The following LIFR variants were observed in gnomAD, a reference collection of about 807,000 sequenced individuals.
LIFR encodes leukemia inhibitory factor receptor.
Under a neutral mutation model 122.2 loss-of-function variants are expected in LIFR, and 84 were observed. That is an observed-to-expected ratio of 0.69 (90% CI 0.58 to 0.82). The LOEUF (loss-of-function observed/expected upper bound fraction) is 0.82. Ranked by LOEUF, LIFR falls within the 40% of genes least tolerant of loss-of-function variation. The pLI, the probability that LIFR is intolerant of heterozygous loss-of-function variation, is 0.00. For synonymous variants in LIFR, 422 were observed against 434.7 expected (o/e 0.97, Z 0.36); for missense variants, 1,294 against 1,311.6 (o/e 0.99, Z 0.21).
At position 38,481,687 on chromosome 5, in the gene LIFR, A is replaced by C. The variant is rs1157841461; in HGVS notation, c.3202T>G (p.Phe1068Val). Residue 1068 changes from phenylalanine to valine, a missense_variant, in exon 20 of 20, where the codon TTT becomes GTT. Coordinates refer to ENST00000453190, the MANE Select transcript of LIFR (RefSeq NM_001127671.2). ...TCTTCATCTTTAGGAGGAATCAAAA[A>C]TTGTCGGGAATTAATGGAGCATGGA... ...GSPCSINSRQ[F>V]LIPPKDEDSP... is the part of the protein sequence containing the mutation. 6.8e-6 allele frequency: 11 copies of C among 1,614,168 alleles called. No individual in the cohort carries two copies. The highest frequency in any genetic ancestry group is 9.3e-6 in the Non-Finnish European group (11 of 1,180,014).
chr5:38,583,429 TA>T (rs1749650201), intron 1 of LIFR, among the ~76,000 whole-genome samples: 1 of 151,996 alleles, frequency 6.6e-6, no homozygotes, highest in African/African-American at 2.4e-5. Context: ...AAGTTCAGGC[TA>T]AAAAAGCAAA....
At chr5:38,511,666 G>T in intron 6 of LIFR, 124 bp downstream of exon 6, 1 of 881,062 alleles carries the variant, frequency 1.1e-6, no homozygotes, top group Non-Finnish European at 1.8e-6. Flanking sequence ...GGGCTTAGAC[G>T]CTCCCAGGTA....
In LIFR at chr5:38,556,338, C is replaced by G. The variant is rs1160479334; in HGVS notation, c.-24G>C. The G allele has an allele frequency of 6.6e-6, 1 of 151,978 alleles. No individual in the cohort carries two copies. Among genetic ancestry groups the G allele is most frequent in the Non-Finnish European group, 1.5e-5 (1 of 68,110 alleles). The allele number at this position is 151,978 out of a possible 1,614,324, so 9.4% of individuals were successfully genotyped here. A position where few individuals can be genotyped will look rare whatever the true frequency, so the allele number is the denominator to read the frequency against. Reference sequence around the variant, plus strand: ...CCACCCGCCCCCAGGACTCACGGTACGCTCCCGCGCCGCTATCTTGCCATC... The same window carrying G: ...CCACCCGCCCCCAGGACTCACGGTAGGCTCCCGCGCCGCTATCTTGCCATC... On this transcript the variant is annotated 5_prime_UTR_variant, in exon 1 of 20. Transcript: ENST00000453190.
chr5:38,511,344 TC>T (rs1745791498), intron 6 of LIFR, among the ~76,000 whole-genome samples: 1 of 152,136 alleles, frequency 6.6e-6, no homozygotes, highest in Non-Finnish European at 1.5e-5. Context: ...CTGCCAACAT[TC>T]TCCCTGTATA....
chr5:38,531,521 T>C (rs1338988888), intron 1 of LIFR, among the ~76,000 whole-genome samples: 1 of 151,766 alleles, frequency 6.6e-6, no homozygotes, highest in African/African-American at 2.4e-5. Context: ...CTAAATAGTG[T>C]CCTCTGAGCA....
At chr5:38,527,439 T>A in intron 3 of LIFR, 145 bp from the exon 4 acceptor site, 1 of 611,638 alleles carries the variant, frequency 1.6e-6, no homozygotes, top group Admixed American at 2.9e-5. Flanking sequence ...ATTTTAAGAC[T>A]GAAAAAACAG....
intron 18 of LIFR, 90 bp downstream of exon 18, chr5:38,484,685 A>G (rs538017024): frequency 9.7e-6 from 8 of 827,936 alleles, no homozygotes; most frequent in African/African-American, 8.5e-5. Flanking sequence ...AACAAAAAAG[A>G]TACACTTATT....
chr5:38,486,075 G>T (rs1744272205), intron 16 of LIFR, 95 bp from the exon 17 acceptor site: 4 of 1,157,156 alleles, frequency 3.5e-6, no homozygotes, highest in Admixed American at 1.9e-5. Flanking sequence ...TTCTAAGTGG[G>T]TCTAGCTGAG....
chr5:38,493,927 A>G, intron 13 of LIFR, 142 bp from the exon 14 acceptor site: 2 of 713,430 alleles, frequency 2.8e-6, no homozygotes, highest in East Asian at 2.7e-5. Flanking sequence ...AACCTAGAGC[A>G]AAGATTAGAA....
At chr5:38,539,178 T>C (rs928641037) in intron 1 of LIFR, among the ~76,000 whole-genome samples, 36 of 152,136 alleles carry the variant, frequency 2.4e-4, no homozygotes, top group African/African-American at 8.7e-4. Flanking sequence ...CTCGATCTCC[T>C]GACCTAGTGA....
Position 38,480,648 on chromosome 5 carries a change from A to G in LIFR, c.*947T>C, listed in dbSNP as rs1743940044. On this transcript the variant is annotated 3_prime_UTR_variant, in exon 20 of 20. Coordinates refer to ENST00000453190, the MANE Select transcript of LIFR (RefSeq NM_001127671.2). ...GGAGGAACGAAATCCAATCAGAACT[A>G]TATGGACAGCTAACGCTGCTAGATA... The G allele has an allele frequency of 4.6e-6, 1 of 217,096 alleles. No individual in the cohort carries two copies. Among genetic ancestry groups the G allele is most frequent in the Non-Finnish European group, 9.3e-6 (1 of 107,944 alleles). The allele number at this position is 217,096 out of a possible 1,614,324, so 13.4% of individuals were successfully genotyped here. A position where few individuals can be genotyped will look rare whatever the true frequency, so the allele number is the denominator to read the frequency against.
At chr5:38,485,435 G>A (rs2112374594) in intron 17 of LIFR, among the ~76,000 whole-genome samples, 1 of 152,300 alleles carries the variant, frequency 6.6e-6, no homozygotes, top group South Asian at 2.1e-4. Flanking sequence ...AAATTTGAGT[G>A]TTGTGCTTTA....
intron 2 of LIFR, among the ~76,000 whole-genome samples, chr5:38,602,774 A>AG (rs1471034493): frequency 1.3e-5 from 2 of 152,126 alleles, no homozygotes; most frequent in Non-Finnish European, 2.9e-5. Context: ...CCCACCCACT[A>AG]GGAATGTCAG....
chr5:38,595,430 T>C (rs1424192926), upstream of LIFR: 2 of 152,356 alleles, frequency 1.3e-5, no homozygotes, highest in East Asian at 1.9e-4. Context: ...TAGGAGGCTA[T>C]ATATACATGT....
chr5:38,546,824 G>A (rs1747919382), intron 1 of LIFR, among the ~76,000 whole-genome samples: 1 of 152,240 alleles, frequency 6.6e-6, no homozygotes, highest in Non-Finnish European at 1.5e-5. Flanking sequence ...AATGCAGCCT[G>A]TGGAATGTAC....
intron 2 of LIFR, among the ~76,000 whole-genome samples, chr5:38,605,707 A>C (rs891340660): frequency 6.6e-6 from 1 of 152,088 alleles, no homozygotes; most frequent in Non-Finnish European, 1.5e-5. Context: ...GACAGACAGA[A>C]CTCAAAGTCA....
intron 14 of LIFR, 46 bp from the exon 15 acceptor site, chr5:38,490,337 G>A: frequency 2.4e-6 from 2 of 819,950 alleles, no homozygotes; most frequent in Non-Finnish European, 4.2e-6. Flanking sequence ...ATATTACTAT[G>A]AATATCTATT....
chr5:38,523,343 A>G, intron 5 of LIFR, 76 bp downstream of exon 5: 1 of 1,191,314 alleles, frequency 8.4e-7, no homozygotes, highest in South Asian at 1.4e-5. Flanking sequence ...GTTCACTGAT[A>G]CCACCTTAAG....
At chr5:38,562,612 C>G (rs528685038) in intron 1 of LIFR, among the ~76,000 whole-genome samples, 2 of 152,158 alleles carry the variant, frequency 1.3e-5, no homozygotes, top group Non-Finnish European at 2.9e-5. Context: ...GCACTCAGTG[C>G]GTTGCCAGAG....
Sources: allele counts gnomAD v4.1 joint callset (sites outside exome capture counted in the v4.1 genomes callset), GRCh38; gene constraint gnomAD v4.1.1; transcripts MANE v1.5; gene names NCBI Gene and HGNC (gene_info 2026-07-23, HGNC 2026-07-21).